Variants in RBFOX1 observed in about 807,000 individuals in gnomAD.
RBFOX1 encodes RNA binding fox-1 homolog 1.
In RBFOX1, 8 loss-of-function variants were observed where a neutral mutation model predicts 57.7. The observed-to-expected ratio is 0.14, with a 90% CI of 0.08 to 0.25. RBFOX1 has a LOEUF of 0.25. Ranked by LOEUF, RBFOX1 falls within the 10% of genes least tolerant of loss-of-function variation. RBFOX1 has a pLI of 1.00. For missense variants in RBFOX1, 611 were observed against 548.5 expected, an observed-to-expected ratio of 1.11 and a Z score of -1.14; for synonymous variants, 326 against 222.4, an observed-to-expected ratio of 1.47 and a Z score of -4.15.
intron 2 of RBFOX1, among the ~76,000 whole-genome samples, chr16:5,487,584 C>T (rs12447664): frequency 0.69 from 105,016 of 152,038 alleles, 37,459 homozygotes; most frequent in East Asian, 0.89. Flanking sequence ...ATGAGGAAAT[C>T]GGGGCATTGA....
intron 3 of RBFOX1, among the ~76,000 whole-genome samples, chr16:6,693,029 TC>T (rs2060447867): frequency 6.6e-6 from 1 of 151,712 alleles, no homozygotes; most frequent in Non-Finnish European, 1.5e-5. Flanking sequence ...ATCAACATCA[TC>T]CCCATCCACT....
chr16:6,375,381 G>T (rs549295176), intron 2 of RBFOX1, among the ~76,000 whole-genome samples: 18 of 150,848 alleles, frequency 1.2e-4, no homozygotes, highest in Admixed American at 4.0e-4. Context: ...TGAAAGTCAT[G>T]CACATGTAGA....
At chr16:6,638,337 G>A (rs182151955) in intron 2 of RBFOX1, among the ~76,000 whole-genome samples, 168 of 152,130 alleles carry the variant, frequency 1.1e-3, no homozygotes, top group African/African-American at 3.8e-3. Context: ...CTGGTAAATC[G>A]CATGGCAAAA....
intron 3 of RBFOX1, among the ~76,000 whole-genome samples, chr16:7,017,279 G>A (rs1482279845): frequency 1.3e-5 from 2 of 152,132 alleles, no homozygotes; most frequent in African/African-American, 4.8e-5. Context: ...CCCAAGTATA[G>A]AATGATGGCA....
chr16:5,327,335 G>C (rs1596531180), intron 1 of RBFOX1, among the ~76,000 whole-genome samples: 1 of 152,126 alleles, frequency 6.6e-6, no homozygotes, highest in African/African-American at 2.4e-5. Context: ...AATCTGTGTA[G>C]CCCACAAACT....
chr16:7,192,342 T>G (rs1454109263), intron 4 of RBFOX1, among the ~76,000 whole-genome samples: 1 of 152,156 alleles, frequency 6.6e-6, no homozygotes, highest in Non-Finnish European at 1.5e-5. Flanking sequence ...CTAAGAGAGT[T>G]GGGGTGAGAA....
rs530833376 is a variant in RBFOX1, at chr16:5,311,408, G to A, written c.219+71303G>A. On this transcript the variant is annotated intron_variant, in intron 1 of 2. Transcript: ENST00000585867. Reference sequence around the variant, plus strand: ...TGCTATCATGACTTCTCTTTTGGGTGGGTACCCAGTAGTGGGATTGCTGAA... The same window carrying A: ...TGCTATCATGACTTCTCTTTTGGGTAGGTACCCAGTAGTGGGATTGCTGAA... 2.6e-5 allele frequency among the ~76,000 whole-genome samples: 4 copies of A among 152,234 alleles called. No individual in the cohort carries two copies. The South Asian group carries it at 6.2e-4, about 24-fold the overall frequency.
intron 14 of RBFOX1, among the ~76,000 whole-genome samples, chr16:7,707,769 A>G (rs917355410): frequency 2.0e-5 from 3 of 152,200 alleles, no homozygotes; most frequent in Admixed American, 6.5e-5. Context: ...CTGCTGTAGC[A>G]TGAAACCCAT....
chr16:6,530,494 A>G (rs1271858525), intron 2 of RBFOX1, among the ~76,000 whole-genome samples: 1 of 152,184 alleles, frequency 6.6e-6, no homozygotes, highest in Non-Finnish European at 1.5e-5. Flanking sequence ...CTCACGATGC[A>G]TAACTATCAC....
At chr16:6,549,127 A>AGGAAGGAGGAGGAGGAG (rs1453193790) in intron 2 of RBFOX1, among the ~76,000 whole-genome samples, 4 of 46,372 alleles carry the variant, frequency 8.6e-5, no homozygotes, top group Admixed American at 3.2e-4. Flanking sequence ...GGAAGAGGGG[A>AGGAAGGAGGAGGAGGAG]GGAAGGAGGA....
intron 4 of RBFOX1, among the ~76,000 whole-genome samples, chr16:7,467,064 C>G (rs180871409): frequency 8.5e-5 from 13 of 152,288 alleles, no homozygotes; most frequent in Admixed American, 2.6e-4. Context: ...TTAGCAAACA[C>G]TGCATATAAA....
Position 6,618,030 on chromosome 16 carries a change from C to G in RBFOX1, c.-63-36573C>G, listed in dbSNP as rs527673702. On this transcript the variant is annotated intron_variant, in intron 2 of 15. Coordinates refer to ENST00000550418, the MANE Select transcript of RBFOX1 (RefSeq NM_018723.4). ...CACCTGGCAAATACCTCCTCATATG[C>G]ATGCAAGACTTTGCTCAAATGCAGC... is the stretch of plus-strand genomic sequence containing the variant. Among the ~76,000 whole-genome samples the G allele has an allele frequency of 2.0e-5, 3 of 152,262 alleles. No individual in the cohort carries two copies. In the South Asian group the frequency reaches 6.2e-4, roughly 32 times the overall value.
At chr16:7,166,809 C>A (rs973003664) in intron 4 of RBFOX1, among the ~76,000 whole-genome samples, 3 of 151,962 alleles carry the variant, frequency 2.0e-5, no homozygotes, top group African/African-American at 7.3e-5. Flanking sequence ...GCTGCTCCAA[C>A]CCATGCGGCA....
intron 3 of RBFOX1, among the ~76,000 whole-genome samples, chr16:6,957,600 G>A (rs2082141407): frequency 6.6e-6 from 1 of 152,078 alleles, no homozygotes; most frequent in Admixed American, 6.5e-5. Flanking sequence ...CATCTTTACT[G>A]CAACCTGTTT....
At chr16:6,466,229 CAA>C (rs201275514) in intron 2 of RBFOX1, among the ~76,000 whole-genome samples, 31 of 127,736 alleles carry the variant, frequency 2.4e-4, no homozygotes, top group Admixed American at 5.6e-4. Context: ...AACTCTATCT[CAA>C]AAAAAAAAAA....
chr16:5,678,531 C>G (rs2050234400), intron 3 of RBFOX1, among the ~76,000 whole-genome samples: 1 of 152,248 alleles, frequency 6.6e-6, no homozygotes, highest in Admixed American at 6.5e-5. Flanking sequence ...CAAGTTAGAA[C>G]CCGGTTCCTA....
chr16:6,808,178 G>GTGTATATA (rs1318609964), intron 3 of RBFOX1, among the ~76,000 whole-genome samples: 5 of 145,544 alleles, frequency 3.4e-5, no homozygotes, highest in African/African-American at 1.0e-4. Context: ...GTGTGTGTGT[G>GTGTATATA]TATATATATA....
intron 1 of RBFOX1, among the ~76,000 whole-genome samples, chr16:5,259,138 T>C (rs2062664476): frequency 6.6e-6 from 1 of 152,068 alleles, no homozygotes; most frequent in African/African-American, 2.4e-5. Flanking sequence ...ACATGGAGTG[T>C]CCTCATGATG....
At chr16:5,405,621 A>C (rs2066843992) in intron 1 of RBFOX1, among the ~76,000 whole-genome samples, 2 of 152,238 alleles carry the variant, frequency 1.3e-5, no homozygotes. Flanking sequence ...AAATGTGAAA[A>C]AATGAGTTCA....
Sources: gnomAD v4.1 joint callset for allele counts (sites outside exome capture counted in the v4.1 genomes callset) on GRCh38, gnomAD v4.1.1 for gene constraint, MANE v1.5 for transcripts, NCBI Gene and HGNC (gene_info 2026-07-23, HGNC 2026-07-21) for gene names.